Variants in GRIN2D observed in about 807,000 individuals in gnomAD.
GRIN2D encodes glutamate ionotropic receptor NMDA type subunit 2D, also known as glutamate receptor ionotropic, NMDA 2D.
GRIN2D carries 37 observed loss-of-function variants against 103.2 expected under a neutral mutation model. That is an observed-to-expected ratio of 0.36 (90% CI 0.28 to 0.47). GRIN2D has a LOEUF of 0.47. Ranked by LOEUF, GRIN2D falls within the 20% of genes least tolerant of loss-of-function variation. GRIN2D has a pLI of 1.00. For missense variants in GRIN2D, 1,557 were observed against 1,910.6 expected (o/e 0.81, Z 3.45); for synonymous variants, 845 against 885.6 (o/e 0.95, Z 0.81).
chr19:48,444,587 T>C lies in GRIN2D; in HGVS notation c.*650T>C, dbSNP rs1174413751. 6.6e-6 allele frequency: 1 copy of C among 152,520 alleles called. No homozygotes were observed. Among genetic ancestry groups the C allele is most frequent in the Non-Finnish European group, 1.5e-5 (1 of 68,260 alleles). The allele number at this position is 152,520 out of a possible 1,614,324, so 9.4% of individuals were successfully genotyped here. Reference sequence around the variant, plus strand: ...CCTCCTCTTCCACCCTCGGTCGCTTTTCCCTACTCTGACCTAGGACACGTC... The same window carrying C: ...CCTCCTCTTCCACCCTCGGTCGCTTCTCCCTACTCTGACCTAGGACACGTC... On this transcript the variant is annotated 3_prime_UTR_variant, in exon 14 of 14. Transcript: ENST00000263269. This position sits in a 1 kb window ranked among gnomAD's most constrained non-coding sequence, Gnocchi z 5.5.
intron 11 of GRIN2D, among the ~76,000 whole-genome samples, chr19:48,437,171 G>C (rs529796630): frequency 2.6e-4 from 39 of 152,210 alleles, no homozygotes; most frequent in African/African-American, 9.1e-4. Context: ...ACCCAGGCTG[G>C]AGTACATGGC....
At chr19:48,426,224 C>CTT (rs369360320) in intron 11 of GRIN2D, among the ~76,000 whole-genome samples, 3,634 of 119,716 alleles carry the variant, frequency 0.03, 126 homozygotes, top group African/African-American at 0.089. Flanking sequence ...TTCTTTCTTT[C>CTT]TTTTTTTTTT....
intron 11 of GRIN2D, among the ~76,000 whole-genome samples, chr19:48,432,646 C>A (rs996900047): frequency 6.8e-6 from 1 of 146,132 alleles, no homozygotes; most frequent in Middle Eastern, 3.6e-3. Flanking sequence ...CGTGTAGAGA[C>A]GGGGGTCTCA....
Position 48,414,248 on chromosome 19 carries a change from G to C in GRIN2D, c.1201-125G>C, listed in dbSNP as rs1970913998. 9 of 921,114 alleles carry C rather than the reference G, an allele frequency of 9.8e-6. No individual in the cohort carries two copies. The East Asian group carries it at 2.4e-4, about 24-fold the overall frequency. The allele number at this position is 921,114 out of a possible 1,614,324, so 57.1% of individuals were successfully genotyped here. A position where few individuals can be genotyped will look rare whatever the true frequency, so the allele number is the denominator to read the frequency against. On this transcript the variant is annotated intron_variant, in intron 5 of 13. Transcript: ENST00000263269. This position sits in a 1 kb window ranked among gnomAD's most constrained non-coding sequence, Gnocchi z 4.6. ...TGGGTCCTGGGATCTGAAGGTGGGA[G>C]GGGCTCCTGGGTCTTGGAAGAAGCT...
intron 11 of GRIN2D, 93 bp downstream of exon 11, chr19:48,422,038 T>A: frequency 7.6e-7 from 1 of 1,310,220 alleles, no homozygotes; most frequent in Non-Finnish European, 1.1e-6. Flanking sequence ...ATTCATTCAG[T>A]CCCAGAGGTC....
chr19:48,437,046 G>A (rs763326144), intron 11 of GRIN2D, among the ~76,000 whole-genome samples: 2 of 152,166 alleles, frequency 1.3e-5, no homozygotes, highest in Non-Finnish European at 2.9e-5. Context: ...AAGAAAGGAC[G>A]GATGCAGGGA....
rs1971319972 is a variant in GRIN2D at position 48,442,978 on chromosome 19, G to A, written c.3052G>A (p.Glu1018Lys). 3.6e-6 allele frequency: 4 copies of A among 1,119,444 alleles called. No homozygotes were observed. The highest frequency in any genetic ancestry group is 2.8e-5 in the South Asian group (1 of 35,836). 69.3% of individuals were successfully genotyped at this position (1,119,444 alleles called of 1,614,324 possible). The change falls in exon 14 of 14, where the codon GAG becomes AAG. Residue 1018 changes from glutamate to lysine, a missense_variant. Coordinates refer to ENST00000263269, the MANE Select transcript of GRIN2D (RefSeq NM_000836.4). The surrounding 1 kb of genome is among the most constrained non-coding windows in gnomAD (Gnocchi z 7.2). The part of the protein sequence containing the change: ...FAIVRDKEPA[E>K]PPAGAFPGFP... The stretch of plus-strand genomic sequence containing the variant: ...CATCGTACGCGACAAGGAGCCAGCC[G>A]AGCCCCCCGCCGGCGCCTTCCCCGG...
intron 4 of GRIN2D, among the ~76,000 whole-genome samples, chr19:48,409,877 C>T (rs550073019): frequency 7.9e-5 from 12 of 151,802 alleles, no homozygotes; most frequent in South Asian, 2.1e-4. Flanking sequence ...ACCTCCCTCC[C>T]GGGTTTAAGT....
intron 7 of GRIN2D, among the ~76,000 whole-genome samples, chr19:48,415,580 GGGGC>G (rs973450261): frequency 1.4e-5 from 2 of 144,496 alleles, no homozygotes; most frequent in African/African-American, 5.1e-5. Flanking sequence ...CTAGGGGAAG[GGGGC>G]AGGGCTGGGA....
At position 48,438,390 on chromosome 19, in the gene GRIN2D, C is replaced by T. The variant is rs1040780010; in HGVS notation, c.2253-3379C>T. On this transcript the variant is annotated intron_variant, in intron 11 of 13. Transcript: ENST00000263269. ...CTCGGCTCACTGCAACCTCTGCCTC[C>T]CGAGTTCAAACGATTCTCTTGCCTC... Among the ~76,000 whole-genome samples the T allele has an allele frequency of 1.4e-4, 21 of 146,596 alleles. No homozygotes were observed. In the East Asian group the frequency reaches 4.0e-3, roughly 28 times the overall value.
intron 3 of GRIN2D, among the ~76,000 whole-genome samples, chr19:48,401,474 C>G (rs1970710324): frequency 6.6e-6 from 1 of 152,148 alleles, no homozygotes; most frequent in Non-Finnish European, 1.5e-5. Flanking sequence ...AGGTGGAGGT[C>G]TGGCATGGAG....
chr19:48,401,720 C>A (rs967188207), intron 3 of GRIN2D, among the ~76,000 whole-genome samples: 4 of 152,194 alleles, frequency 2.6e-5, no homozygotes, highest in African/African-American at 4.8e-5. Flanking sequence ...GGAAGGTTTT[C>A]AATTGAGAAG....
intron 11 of GRIN2D, among the ~76,000 whole-genome samples, chr19:48,433,142 C>A (rs374371453): frequency 6.8e-6 from 1 of 147,368 alleles, no homozygotes; most frequent in Non-Finnish European, 1.5e-5. Context: ...ACGAGAAGGG[C>A]GGATTGCCTG....
In GRIN2D at chr19:48,443,738, C is replaced by A; in HGVS notation, c.3812C>A (p.Ser1271Ter). 7.3e-7 allele frequency: 1 copy of A among 1,361,742 alleles called. No homozygotes were observed. The allele number at this position is 1,361,742 out of a possible 1,614,324, so 84.4% of individuals were successfully genotyped here. ...CCGCCGCCCGCGCCCACCTCGCGCT[C>A]GCTCGAGGACCTCAGCTCGTGCCCT... ...DLPPPAPTSR[S>*]LEDLSSCPRA... The change falls in exon 14 of 14, where the codon TCG becomes TAG. Residue 1271 changes from serine (S) to a stop codon, truncating the protein, a stop_gained. Transcript: ENST00000263269. LOFTEE classifies it high-confidence loss of function. The surrounding 1 kb of genome is among the most constrained non-coding windows in gnomAD (Gnocchi z 8.9).
At chr19:48,428,198 G>A (rs1971110809) in intron 11 of GRIN2D, among the ~76,000 whole-genome samples, 1 of 151,434 alleles carries the variant, frequency 6.6e-6, no homozygotes, top group South Asian at 2.1e-4. Context: ...CACCACGCCT[G>A]GCTAATTTTT....
chr19:48,394,908 T>TG lies in GRIN2D; in HGVS notation c.-55_-54insG, dbSNP rs1343945259. 1 of 151,246 alleles carries TG rather than the reference T, an allele frequency of 6.6e-6. No individual in the cohort carries two copies. Among genetic ancestry groups the TG allele is most frequent in the African/African-American group, 2.4e-5 (1 of 40,818 alleles). The allele number at this position is 151,246 out of a possible 1,614,324, so 9.4% of individuals were successfully genotyped here. On this transcript the variant is annotated 5_prime_UTR_variant, in exon 2 of 14. It adds an upstream start codon to the 5' untranslated region. Transcript: ENST00000263269. The surrounding 1 kb of genome is among the most constrained non-coding windows in gnomAD (Gnocchi z 5.1). ...GGTTCCGGTCCTGGCCCCCCCGCCA[T>TG]CCCCCCAACAGAACAGGGTCATGAA... is the stretch of plus-strand genomic sequence containing the variant.
At position 48,442,866 on chromosome 19, in the gene GRIN2D, G is replaced by T; in HGVS notation, c.2940G>T (p.Ala980=). ...PQGLGLGLGE[A]RAAPRGAAGR... ...GCCTAGGCCTCGGCCTGGGCGAAGC[G>T]CGCGCGGCACCGCGGGGCGCAGCCG... Residue 980 remains alanine, a synonymous_variant, in exon 14 of 14, where the codon GCG becomes GCT. Transcript: ENST00000263269. The surrounding 1 kb of genome is among the most constrained non-coding windows in gnomAD (Gnocchi z 7.2). The T allele has an allele frequency of 9.2e-7, 1 of 1,082,908 alleles. No individual in the cohort carries two copies. 67.1% of individuals were successfully genotyped at this position (1,082,908 alleles called of 1,614,324 possible).
chr19:48,414,650 G>GC lies in GRIN2D; in HGVS notation c.1412+71dup. 1 of 1,423,814 alleles carries GC rather than the reference G, an allele frequency of 7.0e-7. No individual in the cohort carries two copies. The highest frequency in any genetic ancestry group is 1.2e-5 in the South Asian group (1 of 80,460). 88.2% of individuals were successfully genotyped at this position (1,423,814 alleles called of 1,614,324 possible). On this transcript the variant is annotated intron_variant, in intron 6 of 13. Coordinates refer to ENST00000263269, the MANE Select transcript of GRIN2D (RefSeq NM_000836.4). The surrounding 1 kb of genome is among the most constrained non-coding windows in gnomAD (Gnocchi z 4.6). ...CCTCCCGTGAAGCCCAGTAGTCTGG[G>GC]CCCCCAGCCCCCTCCTCCCTTGGGA...
chr19:48,409,102 T>A (rs966896161), intron 4 of GRIN2D, among the ~76,000 whole-genome samples: 2 of 151,778 alleles, frequency 1.3e-5, no homozygotes, highest in Non-Finnish European at 2.9e-5. Context: ...AGGGAAGGCA[T>A]CACATGGTAG....
Sources: gnomAD v4.1 joint callset for allele counts (sites outside exome capture counted in the v4.1 genomes callset) on GRCh38, gnomAD v4.1.1 for gene constraint, Gnocchi (gnomAD v3.1) non-coding constraint, MANE v1.5 for transcripts, NCBI Gene and HGNC (gene_info 2026-07-23, HGNC 2026-07-21) for gene names.